Variants in POLD1 observed in about 807,000 individuals in gnomAD.
POLD1 encodes the protein DNA polymerase delta catalytic subunit.
A neutral mutation model predicts 129.7 loss-of-function variants in POLD1; 79 were observed. That is an observed-to-expected ratio of 0.61 (90% CI 0.51 to 0.73). The LOEUF is 0.73. Ranked by LOEUF, POLD1 falls within the 30% of genes least tolerant of loss-of-function variation. POLD1 has a pLI of 0.00. For missense variants in POLD1, 1,338 were observed against 1,595.8 expected (o/e 0.84, Z 2.75); for synonymous variants, 714 against 683.3 (o/e 1.04, Z -0.70).
At chr19:50,399,172 C>G (rs1394309011) in intron 2 of POLD1, 119 bp downstream of exon 2, 27 of 1,443,216 alleles carry the variant, frequency 1.9e-5, no homozygotes, top group African/African-American at 1.4e-5. Context: ...TTGAATCCTA[C>G]AAAGGACTGC....
Position 50,401,385 on chromosome 19 carries a change from ATATATATTTTTTT to A in POLD1, c.317-391_317-379del, listed in dbSNP as rs2038610200. Among the ~76,000 whole-genome samples the A allele has an allele frequency of 1.5e-4, 9 of 58,264 alleles. No individual in the cohort carries two copies. The South Asian group carries it at 3.8e-3, about 25-fold the overall frequency. The allele number at this position is 58,264 out of a possible 152,430, so 38.2% of individuals were successfully genotyped here. ...TATATGTGTATATATATATATATAT[ATATATATTTTTTT>A]TTTTTTTTTTTTTTTTTCTTTTTTT... On this transcript the variant is annotated intron_variant, in intron 3 of 26. Coordinates refer to ENST00000440232, the MANE Select transcript of POLD1 (RefSeq NM_002691.4).
rs1601189472 is a variant in POLD1 at position 50,399,026 on chromosome 19, C to T, written c.175C>T (p.Gln59Ter). The stretch of plus-strand genomic sequence containing the variant: ...GCAGGAGCAGGAGGAGGAGGAGCTG[C>T]AGTCAGTCCTGGAGGGGGTTGCAGA... ...RLQEQEEEELQSVLEGVADGQ... is the reference protein window; with the variant it reads ...RLQEQEEEEL Residue 59 changes from glutamine to a stop codon, truncating the protein, a stop_gained, in exon 2 of 27, where the codon CAG becomes TAG. Transcript: ENST00000440232. LOFTEE classifies it high-confidence loss of function. 6.4e-7 allele frequency: 1 copy of T among 1,557,566 alleles called. No homozygotes were observed. The highest frequency in any genetic ancestry group is 1.4e-5 in the African/African-American group (1 of 73,704).
At chr19:50,408,760 C>T in intron 14 of POLD1, 25 bp from the exon 15 acceptor site, 1 of 1,612,682 alleles carries the variant, frequency 6.2e-7, no homozygotes, top group East Asian at 2.2e-5. Context: ...GCCCTGACTC[C>T]CGGCCGCGGC....
chr19:50,388,500 C>T (rs542914929), intron 1 of POLD1, among the ~76,000 whole-genome samples: 15 of 151,912 alleles, frequency 9.9e-5, no homozygotes, highest in Admixed American at 8.5e-4. Flanking sequence ...ATAAAAAAGA[C>T]GTCTACATAC....
At position 50,398,973 on chromosome 19, in the gene POLD1, TGGAGGAGATGGA is replaced by T. The variant is rs1300269779; in HGVS notation, c.125_136del (p.Glu42_Glu45del). On this transcript the variant is annotated inframe_deletion, in exon 2 of 27. Transcript: ENST00000440232. ...CAATTCGAGGAGGACCTGGCACTGA[TGGAGGAGATGGA>T]GGCAGAACACAGGCTGCAGGAGCAG... 3 of 1,573,246 alleles carry T rather than the reference TGGAGGAGATGGA, an allele frequency of 1.9e-6. No individual in the cohort carries two copies. Among genetic ancestry groups the T allele is most frequent in the Admixed American group, 1.9e-5 (1 of 52,916 alleles).
At chr19:50,392,949 A>G (rs2038222648) in intron 1 of POLD1, among the ~76,000 whole-genome samples, 1 of 152,238 alleles carries the variant, frequency 6.6e-6, no homozygotes, top group Non-Finnish European at 1.5e-5. Context: ...TCCTTTACAC[A>G]GTTGCATAGT....
Position 50,397,078 on chromosome 19 carries a change from G to A in POLD1, c.-1-1773G>A, listed in dbSNP as rs372945567. Among the ~76,000 whole-genome samples the A allele has an allele frequency of 7.2e-4, 84 of 116,440 alleles. 2 individuals are homozygous for A. In the South Asian group the frequency reaches 0.024, roughly 33 times the overall value. The allele number at this position is 116,440 out of a possible 152,430, so 76.4% of individuals were successfully genotyped here. On this transcript the variant is annotated intron_variant, in intron 1 of 26. Coordinates refer to ENST00000440232, the MANE Select transcript of POLD1 (RefSeq NM_002691.4). ...TGCACTCCAGCCTGGGTGACAGAGC[G>A]AGACTCCATCTCAAAAAAAAAAAAA... is the stretch of plus-strand genomic sequence containing the variant.
chr19:50,394,179 G>A (rs1416534067), intron 1 of POLD1: 1 of 152,222 alleles, frequency 6.6e-6, no homozygotes, highest in Non-Finnish European at 1.5e-5. Context: ...CCACTGTGAC[G>A]GGGAAGAGGG....
In POLD1 at chr19:50,409,241, C is replaced by T; in HGVS notation, c.2006+6C>T. On this transcript the variant is annotated splice_donor_region_variant and intron_variant, in intron 16 of 26. Coordinates refer to ENST00000440232, the MANE Select transcript of POLD1 (RefSeq NM_002691.4). This position sits in a 1 kb window ranked among gnomAD's most constrained non-coding sequence, Gnocchi z 5.8. ...CTGCTCAGTGCCCGGAAGAGGTGAG[C>T]CCTGGAGATCGCCTGCTTGGAGCTC... The T allele has an allele frequency of 6.3e-7, 1 of 1,579,112 alleles. No individual in the cohort carries two copies.
chr19:50,407,372 G>A lies in POLD1; in HGVS notation c.1732G>A (p.Gly578Ser), dbSNP rs753850419. Residue 578 changes from glycine (G) to serine (S), a missense_variant, in exon 14 of 27, where the codon GGC becomes AGC. Physicochemically the swap from Gly to Ser is moderately conservative, Grantham distance 56. This residue lies in a region of POLD1 where 720 missense variants were observed against 1,002.6 expected (regional missense o/e 0.72). Transcript: ENST00000440232. ...GATGCCCGTGGTGAAGTCAGAGGGCGGCGAGGACTACACGGGAGCCACTGT... is the reference window on the plus strand; with the variant it reads ...GATGCCCGTGGTGAAGTCAGAGGGCAGCGAGGACTACACGGGAGCCACTGT... The part of the protein sequence containing the change: ...LLMPVVKSEG[G>S]EDYTGATVIE... The A allele has an allele frequency of 1.1e-5, 17 of 1,612,504 alleles. No homozygotes were observed. The South Asian group carries it at 1.1e-4, about 10-fold the overall frequency.
At chr19:50,415,019 G>GC in intron 20 of POLD1, 29 bp downstream of exon 20, 1 of 1,493,372 alleles carries the variant, frequency 6.7e-7, no homozygotes. Flanking sequence ...CTCAGACTCA[G>GC]GGGGCTGGGC....
chr19:50,403,588 G>A lies in POLD1; in HGVS notation c.1233G>A (p.Gln411=). Reference sequence around the variant, plus strand: ...TTCCGTACCTCATCTCTCGGGCCCAGACCCTCAAGGTGAGGGCTGGGCAGG... The same window carrying A: ...TTCCGTACCTCATCTCTCGGGCCCAAACCCTCAAGGTGAGGGCTGGGCAGG... The part of the protein sequence containing the change: ...FDLPYLISRA[Q]TLKVQTFPFL... Residue 411 remains glutamine (Q), a synonymous_variant, in exon 10 of 27, where the codon CAG becomes CAA. Coordinates refer to ENST00000440232, the MANE Select transcript of POLD1 (RefSeq NM_002691.4). The A allele has an allele frequency of 6.2e-7, 1 of 1,609,814 alleles. No homozygotes were observed. The highest frequency in any genetic ancestry group is 8.5e-7 in the Non-Finnish European group (1 of 1,176,066).
At chr19:50,384,661 G>A (rs2037908858) in intron 1 of POLD1, among the ~76,000 whole-genome samples, 1 of 152,160 alleles carries the variant, frequency 6.6e-6, no homozygotes, top group Non-Finnish European at 1.5e-5. Context: ...TGGGGGGACT[G>A]GGTGGTGCAC....
chr19:50,410,639 C>T (rs1159534783), intron 17 of POLD1, among the ~76,000 whole-genome samples: 1 of 152,184 alleles, frequency 6.6e-6, no homozygotes, highest in East Asian at 1.9e-4. Context: ...ATAGGAGGGA[C>T]CAGGCGTGTC....
chr19:50,406,354 C>CT lies in POLD1; in HGVS notation c.1383+34dup. ...GCGGGAGGTGGGGTGTGTCCCTGTC[C>CT]TTGGAAGGCCACTGCCCAGGCCCGC... On this transcript the variant is annotated intron_variant, in intron 11 of 26. Transcript: ENST00000440232. This position sits in a 1 kb window ranked among gnomAD's most constrained non-coding sequence, Gnocchi z 5.5. The CT allele has an allele frequency of 1.9e-6, 3 of 1,612,440 alleles. No individual in the cohort carries two copies. The highest frequency in any genetic ancestry group is 2.5e-6 in the Non-Finnish European group (3 of 1,179,018).
At position 50,417,254 on chromosome 19, in the gene POLD1, A is replaced by G. The variant is rs1060501805; in HGVS notation, c.3203A>G (p.Asp1068Gly). The change falls in exon 26 of 27, where the codon GAC (aspartate) becomes GGC (glycine). Residue 1068 changes from aspartate (D) to glycine (G), a missense_variant. Transcript: ENST00000440232. ...CQRCQGSLHEDVICTSRDCPI... is the reference protein window; with the variant it reads ...CQRCQGSLHEGVICTSRDCPI... ...CGCTGCCAGGGCAGCCTGCACGAGG[A>G]CGTCATCTGCACCAGGTGTGTGCCA... is the stretch of plus-strand genomic sequence containing the variant. 6.3e-7 allele frequency: 1 copy of G among 1,597,580 alleles called. No homozygotes were observed. The highest frequency in any genetic ancestry group is 1.7e-4 in the Middle Eastern group (1 of 6,010).
At chr19:50,401,305 A>G (rs1008315470) in intron 3 of POLD1, among the ~76,000 whole-genome samples, 1 of 139,204 alleles carries the variant, frequency 7.2e-6, no homozygotes. Flanking sequence ...ATATTAATAT[A>G]TTTTGTAGAG....
chr19:50,412,732 TG>T (rs536984439), intron 17 of POLD1, among the ~76,000 whole-genome samples: 1,522 of 151,312 alleles, frequency 0.01, 18 homozygotes, highest in African/African-American at 0.035. Flanking sequence ...GTGGTGGTGG[TG>T]GTGGTGTTGT....
chr19:50,413,737 C>T lies in POLD1; in HGVS notation c.2251-5C>T, dbSNP rs1236954722. On this transcript the variant is annotated splice_polypyrimidine_tract_variant and splice_region_variant and intron_variant, in intron 18 of 26. Coordinates refer to ENST00000440232, the MANE Select transcript of POLD1 (RefSeq NM_002691.4). ...CTCACATACACACATCCCCACCGCC[C>T]GCAGGTGGTGTATGGTGACACTGAC... 54 of 1,595,184 alleles carry T rather than the reference C, an allele frequency of 3.4e-5. No individual in the cohort carries two copies. Among genetic ancestry groups the T allele is most frequent in the Non-Finnish European group, 4.1e-5 (48 of 1,172,098 alleles).
Sources: gnomAD v4.1 joint callset for allele counts (sites outside exome capture counted in the v4.1 genomes callset) on GRCh38, gnomAD v4.1.1 for gene constraint, gnomAD v4.1.1 regional missense constraint, Gnocchi (gnomAD v3.1) non-coding constraint, MANE v1.5 for transcripts, NCBI Gene and HGNC (gene_info 2026-07-23, HGNC 2026-07-21) for gene names.